Variants in OTUD3 observed in about 807,000 individuals in gnomAD.
The protein encoded by OTUD3 is OTU domain-containing protein 3.
In OTUD3, 24 loss-of-function variants were observed where a neutral mutation model predicts 46.2. The observed-to-expected ratio is 0.52, with a 90% confidence interval of 0.38 to 0.73. The LOEUF (loss-of-function observed/expected upper bound fraction) is 0.73, where lower values mean the gene tolerates loss of function less well. Ranked by LOEUF, OTUD3 falls within the 30% of genes least tolerant of loss-of-function variation. OTUD3 has a pLI of 0.00. For missense variants in OTUD3, 455 were observed against 523.3 expected, an observed-to-expected ratio of 0.87 and a Z score of 1.27; for synonymous variants, 189 against 195.4, an observed-to-expected ratio of 0.97 and a Z score of 0.27.
rs2045708071 is a variant in OTUD3 at position 19,909,525 on chromosome 1, T to G, written c.*1779T>G. 1 of 152,344 alleles carries G rather than the reference T, an allele frequency of 6.6e-6. No individual in the cohort carries two copies. Among genetic ancestry groups the G allele is most frequent in the African/African-American group, 2.4e-5 (1 of 41,446 alleles). The allele number at this position is 152,344 out of a possible 1,614,324, so 9.4% of individuals were successfully genotyped here. A position where few individuals can be genotyped will look rare whatever the true frequency, so the allele number is the denominator to read the frequency against. On this transcript the variant is annotated 3_prime_UTR_variant, in exon 8 of 8. Transcript: ENST00000375120. ...CTCTAAGGAAGTGGGATCGAGTGCG[T>G]TAGGATCTATGGTTGTCTTGGTTTT...
chr1:19,903,581 A>G (rs780465179), intron 4 of OTUD3, among the ~76,000 whole-genome samples: 11 of 152,194 alleles, frequency 7.2e-5, no homozygotes, highest in African/African-American at 1.4e-4. Flanking sequence ...CCCTGCATCA[A>G]TGGGAAGCAG....
chr1:19,890,384 G>C lies in OTUD3; in HGVS notation c.222-1G>C. ...CTTGACTCGTGTTGTTGTTTTGACA[G>C]CAATTGCTTGTTCAGAGCTCTTGGT... is the stretch of plus-strand genomic sequence containing the variant. On this transcript the variant is annotated splice_acceptor_variant, in intron 1 of 7. Transcript: ENST00000375120. LOFTEE classifies it high-confidence loss of function. 1 of 1,613,614 alleles carries C rather than the reference G, an allele frequency of 6.2e-7. No individual in the cohort carries two copies. The highest frequency in any genetic ancestry group is 8.5e-7 in the Non-Finnish European group (1 of 1,179,594).
In OTUD3 at chr1:19,910,511, A is replaced by C. The variant is rs927009845; in HGVS notation, c.*2765A>C. The C allele has an allele frequency of 1.3e-5, 2 of 152,348 alleles. No homozygotes were observed. Among genetic ancestry groups the C allele is most frequent in the Admixed American group, 1.3e-4 (2 of 15,292 alleles). 9.4% of individuals were successfully genotyped at this position (152,348 alleles called of 1,614,324 possible). Reference sequence around the variant, plus strand: ...TCTAGATAATGTAGTTGCCACTAGGAGATATTAGAAAGTTAGAATGTATGT... The same window carrying C: ...TCTAGATAATGTAGTTGCCACTAGGCGATATTAGAAAGTTAGAATGTATGT... On this transcript the variant is annotated 3_prime_UTR_variant, in exon 8 of 8. Transcript: ENST00000375120.
At chr1:19,887,326 C>T (rs1367817291) in intron 1 of OTUD3, among the ~76,000 whole-genome samples, 4 of 152,086 alleles carry the variant, frequency 2.6e-5, no homozygotes, top group Non-Finnish European at 1.5e-5. Flanking sequence ...TCAGGTGATC[C>T]GCCTGCCTTG....
rs966869893 is a variant in OTUD3, at chr1:19,890,607, C to G, written c.370+74C>G. On this transcript the variant is annotated intron_variant, in intron 2 of 7. Transcript: ENST00000375120. ...AATTAAGTCCACTGGCATCCTCCCC[C>G]CTCCCAGCCAAGGGTTTGGTTATAT... is the stretch of plus-strand genomic sequence containing the variant. 3.1e-5 allele frequency: 41 copies of G among 1,301,784 alleles called. 1 individual carries two copies. The highest frequency in any genetic ancestry group is 1.2e-4 in the Admixed American group (7 of 57,396). 80.6% of individuals were successfully genotyped at this position (1,301,784 alleles called of 1,614,324 possible).
intron 2 of OTUD3, among the ~76,000 whole-genome samples, chr1:19,892,583 A>G (rs1320749468): frequency 1.3e-5 from 2 of 152,146 alleles, no homozygotes; most frequent in African/African-American, 2.4e-5. Context: ...CCCCAACTGT[A>G]CAAGTATCCA....
At chr1:19,894,963 A>T (rs1055584525) in intron 3 of OTUD3, among the ~76,000 whole-genome samples, 3 of 152,220 alleles carry the variant, frequency 2.0e-5, no homozygotes, top group African/African-American at 7.2e-5. Flanking sequence ...AAAGAGAAAA[A>T]AATTTTATTA....
At chr1:19,898,101 A>G (rs2045540712) in intron 4 of OTUD3, among the ~76,000 whole-genome samples, 1 of 151,886 alleles carries the variant, frequency 6.6e-6, no homozygotes, top group Non-Finnish European at 1.5e-5. Flanking sequence ...GGCATGTGCC[A>G]CCATGCCCGG....
At position 19,910,238 on chromosome 1, in the gene OTUD3, A is replaced by G. The variant is rs17401735; in HGVS notation, c.*2492A>G. On this transcript the variant is annotated 3_prime_UTR_variant, in exon 8 of 8. Coordinates refer to ENST00000375120, the MANE Select transcript of OTUD3 (RefSeq NM_015207.2). ...TTTATTAGGAACTGAATGTGTCTTA[A>G]CCTCTGTGTTACATCTTGGCTGGCA... The G allele has an allele frequency of 0.21, 31,681 of 152,212 alleles. 3,573 individuals carry two copies. Among genetic ancestry groups the G allele is most frequent in the Admixed American group, 0.28 (4,295 of 15,278 alleles). The allele number at this position is 152,212 out of a possible 1,614,324, so 9.4% of individuals were successfully genotyped here.
At chr1:19,907,243 G>A (rs2045672892) in intron 7 of OTUD3, among the ~76,000 whole-genome samples, 1 of 152,152 alleles carries the variant, frequency 6.6e-6, no homozygotes, top group Admixed American at 6.5e-5. Context: ...AAGCTTCTGA[G>A]GATTTTGTCA....
chr1:19,894,599 G>A (rs2045492647), intron 3 of OTUD3, 119 bp downstream of exon 3: 5 of 598,014 alleles, frequency 8.4e-6, no homozygotes, highest in Admixed American at 3.5e-5. Flanking sequence ...CTTGGTCTAC[G>A]AGCCTAACCA....
intron 1 of OTUD3, among the ~76,000 whole-genome samples, chr1:19,885,743 C>T (rs2045349780): frequency 6.6e-6 from 1 of 152,190 alleles, no homozygotes; most frequent in African/African-American, 2.4e-5. Flanking sequence ...TGTGAGCCAC[C>T]GCGCCTGGAC....
At chr1:19,902,880 G>A (rs961268170) in intron 4 of OTUD3, among the ~76,000 whole-genome samples, 1 of 151,906 alleles carries the variant, frequency 6.6e-6, no homozygotes, top group African/African-American at 2.4e-5. Context: ...AATAATGGGG[G>A]GAGTGATTAT....
At chr1:19,891,531 C>T (rs1463556701) in intron 2 of OTUD3, among the ~76,000 whole-genome samples, 1 of 152,090 alleles carries the variant, frequency 6.6e-6, no homozygotes, top group Admixed American at 6.5e-5. Flanking sequence ...ATCAAGGTAG[C>T]TACTGAGGAT....
intron 4 of OTUD3, among the ~76,000 whole-genome samples, chr1:19,898,589 G>A (rs1251408111): frequency 6.6e-6 from 1 of 151,856 alleles, no homozygotes; most frequent in Non-Finnish European, 1.5e-5. Context: ...TTAGCCGGGT[G>A]TGGTGGCGCA....
chr1:19,902,665 T>A (rs1435727779), intron 4 of OTUD3, among the ~76,000 whole-genome samples: 1 of 152,246 alleles, frequency 6.6e-6, no homozygotes, highest in Non-Finnish European at 1.5e-5. Flanking sequence ...AAGAGTTTTT[T>A]AATATATTCT....
chr1:19,906,371 C>A, intron 6 of OTUD3, 61 bp from the exon 7 acceptor site: 7 of 1,474,202 alleles, frequency 4.7e-6, no homozygotes, highest in African/African-American at 1.4e-5. Context: ...ATCATTAATA[C>A]AGTCATCACC....
At chr1:19,905,099 G>A (rs2045640374) in intron 6 of OTUD3, 112 bp downstream of exon 6, 2 of 671,508 alleles carry the variant, frequency 3.0e-6, no homozygotes, top group Non-Finnish European at 5.3e-6. Flanking sequence ...ATTCATTTAG[G>A]AGTTGTTTAT....
chr1:19,906,483 C>T lies in OTUD3; in HGVS notation c.887C>T (p.Pro296Leu). Reference sequence around the variant, plus strand: ...GGTCGAGTGCTGAAGCAGTGTGGCCCTTTGTGGGAGGAGGGTGGCAGTGGT... The same window carrying T: ...GGTCGAGTGCTGAAGCAGTGTGGCCTTTTGTGGGAGGAGGGTGGCAGTGGT... Reference protein sequence around the residue: ...PSGRVLKQCGPLWEEGGSGAR... With the variant: ...PSGRVLKQCGLLWEEGGSGAR... The change falls in exon 7 of 8, where the codon CCT becomes CTT. Residue 296 changes from proline (P) to leucine (L), a missense_variant. By Grantham distance (98) the Pro-to-Leu change is moderately conservative. Coordinates refer to ENST00000375120, the MANE Select transcript of OTUD3 (RefSeq NM_015207.2). 6.2e-7 allele frequency: 1 copy of T among 1,614,026 alleles called. No individual in the cohort carries two copies. Among genetic ancestry groups the T allele is most frequent in the Non-Finnish European group, 8.5e-7 (1 of 1,179,970 alleles).
Sources: gnomAD v4.1 joint callset for allele counts (sites outside exome capture counted in the v4.1 genomes callset) on GRCh38, gnomAD v4.1.1 for gene constraint, MANE v1.5 for transcripts, NCBI Gene and HGNC (gene_info 2026-07-23, HGNC 2026-07-21) for gene names.